Variants in PMFBP1 observed in about 807,000 individuals in gnomAD.
The protein encoded by PMFBP1 is polyamine modulated factor 1 binding protein 1.
PMFBP1 carries 131 observed loss-of-function variants against 137.8 expected under a neutral mutation model. That is an observed-to-expected ratio of 0.95 (90% confidence interval 0.82 to 1.10). The LOEUF (loss-of-function observed/expected upper bound fraction) is 1.10. Among genes scored for constraint, PMFBP1 ranks in the 50% least tolerant of loss-of-function variants. The pLI, the probability that PMFBP1 is intolerant of heterozygous loss-of-function variation, is 0.00. For missense variants in PMFBP1, 1,199 were observed against 1,175.4 expected, an observed-to-expected ratio of 1.02 and a Z score of -0.29; for synonymous variants, 490 against 450.4, an observed-to-expected ratio of 1.09 and a Z score of -1.11.
At chr16:72,234,724 A>T in the PMFBP1 span, among the ~76,000 whole-genome samples, 1 of 152,196 alleles carries the variant, frequency 6.6e-6, no homozygotes. Flanking sequence ...ACTTTGTGTC[A>T]TGAAGTCAAG....
the PMFBP1 span, among the ~76,000 whole-genome samples, chr16:72,217,571 G>A: frequency 6.6e-6 from 1 of 152,130 alleles, no homozygotes; most frequent in Non-Finnish European, 1.5e-5. Flanking sequence ...AAGTCTCTAG[G>A]CCAGGTACAG....
chr16:72,215,434 G>A, the PMFBP1 span, among the ~76,000 whole-genome samples: 48 of 118,070 alleles, frequency 4.1e-4, no homozygotes, highest in Non-Finnish European at 1.9e-4. Context: ...ACTTTGGTCA[G>A]GATAATCATA....
chr16:72,231,930 T>C, the PMFBP1 span, among the ~76,000 whole-genome samples: 11 of 152,216 alleles, frequency 7.2e-5, no homozygotes, highest in Non-Finnish European at 1.6e-4. Context: ...TGTCATCTGA[T>C]ATGCTTGGAT....
chr16:72,151,217 G>A (rs1182436741), intron 4 of PMFBP1, among the ~76,000 whole-genome samples: 4 of 152,198 alleles, frequency 2.6e-5, no homozygotes, highest in Non-Finnish European at 4.4e-5. Context: ...CTTAGAAAAT[G>A]CAGACTTCCT....
chr16:72,120,153 G>T (rs748778084), intron 19 of PMFBP1, 64 bp from the exon 20 acceptor site: 6 of 1,610,032 alleles, frequency 3.7e-6, no homozygotes, highest in Non-Finnish European at 5.1e-6. Context: ...TTCCCTGCTA[G>T]AAAGGACAGA....
At chr16:72,145,383 T>C (rs1356082781) in intron 5 of PMFBP1, among the ~76,000 whole-genome samples, 5 of 152,098 alleles carry the variant, frequency 3.3e-5, no homozygotes, top group Non-Finnish European at 7.4e-5. Flanking sequence ...TTTAAAGCAG[T>C]GTGTAGAGGG....
At chr16:72,218,808 A>C in the PMFBP1 span, among the ~76,000 whole-genome samples, 2 of 152,176 alleles carry the variant, frequency 1.3e-5, no homozygotes, top group Non-Finnish European at 2.9e-5. Context: ...TTGAAACCAC[A>C]GTGGTAAATA....
chr16:72,223,847 A>G, the PMFBP1 span, among the ~76,000 whole-genome samples: 1 of 152,216 alleles, frequency 6.6e-6, no homozygotes, highest in Non-Finnish European at 1.5e-5. Context: ...AACACATTGG[A>G]AAATTACTAG....
intron 6 of PMFBP1, 59 bp from the exon 7 acceptor site, chr16:72,139,458 G>T: frequency 7.9e-7 from 1 of 1,260,174 alleles, no homozygotes; most frequent in South Asian, 1.2e-5. Flanking sequence ...TTGTTACCAT[G>T]ACTATTATTT....
chr16:72,174,655 T>C (rs1406018709), upstream of PMFBP1, among the ~76,000 whole-genome samples: 1 of 152,210 alleles, frequency 6.6e-6, no homozygotes, highest in Non-Finnish European at 1.5e-5. Flanking sequence ...TGGGGAGGCC[T>C]CAGGAAACTT....
chr16:72,142,915 T>C (rs2042745326), intron 5 of PMFBP1, among the ~76,000 whole-genome samples: 2 of 152,150 alleles, frequency 1.3e-5, no homozygotes, highest in African/African-American at 2.4e-5. Context: ...ATTTAGGCCA[T>C]CAAATTAATC....
At chr16:72,213,081 G>T in the PMFBP1 span, among the ~76,000 whole-genome samples, 2 of 152,000 alleles carry the variant, frequency 1.3e-5, no homozygotes, top group African/African-American at 2.4e-5. Flanking sequence ...CTCCTAAAAT[G>T]AGAGACAGTA....
intron 10 of PMFBP1, among the ~76,000 whole-genome samples, chr16:72,131,610 A>C (rs917440807): frequency 6.6e-6 from 1 of 152,112 alleles, no homozygotes; most frequent in African/African-American, 2.4e-5. Flanking sequence ...AACGAGTAAG[A>C]AGGGGAGGAG....
chr16:72,179,346 A>C (rs1436709841), upstream of PMFBP1, among the ~76,000 whole-genome samples: 1 of 152,154 alleles, frequency 6.6e-6, no homozygotes, highest in Non-Finnish European at 1.5e-5. Context: ...TTTCCACAAG[A>C]GCAACATTTC....
Position 72,132,963 on chromosome 16 carries a change from T to A in PMFBP1, c.1232A>T (p.Gln411Leu). 3.7e-6 allele frequency: 6 copies of A among 1,614,172 alleles called. No individual in the cohort carries two copies. Among genetic ancestry groups the A allele is most frequent in the Non-Finnish European group, 5.1e-6 (6 of 1,180,022 alleles). ...CTGTGTCAGTTTCTTCTCCAGCTCT[T>A]GCAGCATCTCATCTTTCTCTTGGAG... ...KFLQEKDEML[Q>L]ELEKKLTQVQ... Residue 411 changes from glutamine (Q) to leucine (L), a missense_variant, in exon 10 of 21, where the codon CAA (glutamine) becomes CTA (leucine). Physicochemically the swap from Gln to Leu is moderately radical, Grantham distance 113 (BLOSUM62 -2). Transcript: ENST00000237353.
At chr16:72,143,473 T>G (rs965564234) in intron 5 of PMFBP1, among the ~76,000 whole-genome samples, 2 of 152,250 alleles carry the variant, frequency 1.3e-5, no homozygotes, top group African/African-American at 4.8e-5. Flanking sequence ...CCGGGCGTGG[T>G]GGCTTGCACC....
At chr16:72,120,145 C>A in intron 19 of PMFBP1, 56 bp from the exon 20 acceptor site, 1 of 1,612,000 alleles carries the variant, frequency 6.2e-7, no homozygotes. Context: ...CTGGTTGGTT[C>A]CCTGCTAGAA....
At chr16:72,163,236 A>G (rs962343129) in intron 3 of PMFBP1, among the ~76,000 whole-genome samples, 1 of 152,330 alleles carries the variant, frequency 6.6e-6, no homozygotes, top group Admixed American at 6.5e-5. Context: ...TGAAGACCAC[A>G]AGTAAAGAAT....
the PMFBP1 span, among the ~76,000 whole-genome samples, chr16:72,223,157 A>T: frequency 6.6e-6 from 1 of 152,038 alleles, no homozygotes; most frequent in Admixed American, 6.6e-5. Flanking sequence ...GGCACTGGGG[A>T]AAAAAATCCC....
Sources: gnomAD v4.1 joint callset for allele counts (sites outside exome capture counted in the v4.1 genomes callset) on GRCh38, gnomAD v4.1.1 for gene constraint, MANE v1.5 for transcripts, NCBI Gene and HGNC (gene_info 2026-07-23, HGNC 2026-07-21) for gene names.